The following INTS6L variants were observed in gnomAD, a reference collection of about 807,000 sequenced individuals.
INTS6L encodes integrator complex subunit 6-like.
Under a neutral mutation model 64.7 loss-of-function variants are expected in INTS6L, and 18 were observed. The ratio of observed to expected loss-of-function variants is 0.28; its 90% CI spans 0.19 to 0.41. The LOEUF (loss-of-function observed/expected upper bound fraction) is 0.41, where lower values mean the gene tolerates loss of function less well. Among genes scored for constraint, INTS6L ranks in the 10% least tolerant of loss-of-function variants. The probability of loss-of-function intolerance (pLI) is 1.00; values close to 1 mark genes in which losing one functional copy is unlikely to be tolerated. For missense variants in INTS6L, 533 were observed against 661.0 expected, an observed-to-expected ratio of 0.81 and a Z score of 2.12; for synonymous variants, 227 against 235.9, an observed-to-expected ratio of 0.96 and a Z score of 0.34.
At chrX:135,549,033 A>T (rs2086433036) in intron 6 of INTS6L, among the ~76,000 whole-genome samples, 1 of 111,959 alleles carries the variant, frequency 8.9e-6, no homozygotes, top group African/African-American at 3.2e-5. Flanking sequence ...GTCCACGATA[A>T]ACTTGATGTG....
intron 15 of INTS6L, among the ~76,000 whole-genome samples, chrX:135,578,257 T>C: frequency 9.0e-6 from 1 of 111,713 alleles, no homozygotes. Context: ...CAGACTTACT[T>C]GTGGACATGC....
intron 9 of INTS6L, among the ~76,000 whole-genome samples, chrX:135,569,124 A>T (rs1556526237): frequency 8.9e-6 from 1 of 112,190 alleles, no homozygotes; most frequent in Non-Finnish European, 1.9e-5. Context: ...TGCAGATGAA[A>T]GAGGAATATG....
chrX:135,574,204 CTGTT>C (rs1556529609), intron 13 of INTS6L, 142 bp downstream of exon 13: 2 of 681,549 alleles, frequency 2.9e-6, no homozygotes, highest in African/African-American at 2.4e-5. Context: ...ATCCCTATGT[CTGTT>C]TACCAGGCAC....
chrX:135,552,866 G>A (rs975550895), intron 8 of INTS6L, among the ~76,000 whole-genome samples: 2 of 112,404 alleles, frequency 1.8e-5, no homozygotes, highest in Non-Finnish European at 3.8e-5. Context: ...CTGTAGAGAT[G>A]TATGTTCTAC....
At chrX:135,522,002 CGTT>C in intron 2 of INTS6L, among the ~76,000 whole-genome samples, 1 of 111,271 alleles carries the variant, frequency 9.0e-6, no homozygotes, top group Non-Finnish European at 1.9e-5. Context: ...CCTTTGCACT[CGTT>C]GGCCTCTCAC....
rs782152418 is a variant in INTS6L, at chrX:135,543,457, A to G, written c.190-1966A>G. Among the ~76,000 whole-genome samples, 20 of 111,253 alleles carry G rather than the reference A, an allele frequency of 1.8e-4. No individual in the cohort carries two copies. The East Asian group carries it at 5.4e-3, about 30-fold the overall frequency. ...AGTCTCATGATCTTCACTCCATCCCATCAGTATTTCTCAAATGTCCCACTT... is the reference window on the plus strand; with the variant it reads ...AGTCTCATGATCTTCACTCCATCCCGTCAGTATTTCTCAAATGTCCCACTT... On this transcript the variant is annotated intron_variant, in intron 2 of 17. Coordinates refer to ENST00000639893, the MANE Select transcript of INTS6L (RefSeq NM_001351601.3).
intron 2 of INTS6L, 47 bp downstream of exon 2, chrX:135,521,365 C>T (rs782583066): frequency 1.8e-6 from 2 of 1,142,511 alleles, no homozygotes; most frequent in Non-Finnish European, 2.4e-6. Context: ...GGGAGCAAGT[C>T]GGCGGGGGCT....
intron 2 of INTS6L, among the ~76,000 whole-genome samples, chrX:135,521,575 G>A (rs868942283): frequency 9.0e-6 from 1 of 110,757 alleles, no homozygotes; most frequent in African/African-American, 3.3e-5. Context: ...CGCGACAACC[G>A]CAGCCGCCTC....
At chrX:135,577,555 C>A in intron 15 of INTS6L, 128 bp downstream of exon 15, 3 of 660,893 alleles carry the variant, frequency 4.5e-6, no homozygotes, top group Non-Finnish European at 6.8e-6. Flanking sequence ...ATTACTAAAT[C>A]ATCTATTTGG....
Position 135,582,477 on chromosome X carries a change from AAAAT to A in INTS6L, c.*846_*849del, listed in dbSNP as rs1307497912. On this transcript the variant is annotated 3_prime_UTR_variant, in exon 18 of 18. Coordinates refer to ENST00000639893, the MANE Select transcript of INTS6L (RefSeq NM_001351601.3). ...AAAGAGATTTTGATTTTGCATATAT[AAAAT>A]AAATCATTTTATTGATTTTCACAAG... 9 of 112,753 alleles carry A rather than the reference AAAAT, an allele frequency of 8.0e-5. No homozygotes were observed. Among genetic ancestry groups the A allele is most frequent in the Non-Finnish European group, 1.7e-4 (9 of 53,419 alleles). 9.3% of individuals were successfully genotyped at this position (112,753 alleles called of 1,213,427 possible).
In INTS6L at chrX:135,574,015, G is replaced by C; in HGVS notation, c.1694G>C (p.Arg565Thr). 1 of 1,204,303 alleles carries C rather than the reference G, an allele frequency of 8.3e-7. No homozygotes were observed. Among genetic ancestry groups the C allele is most frequent in the South Asian group, 1.8e-5 (1 of 55,299 alleles). ...CTTTTAGACCAGCTGACCAGAATGA[G>C]ATCCAATCTGCTGAAAACGCACAAG... is the stretch of plus-strand genomic sequence containing the variant. ...RGLLDQLTRM[R>T]SNLLKTHKFI... The change falls in exon 13 of 18, where the codon AGA becomes ACA. Residue 565 changes from arginine (R) to threonine (T), a missense_variant. By Grantham distance (71) the Arg-to-Thr change is moderately conservative. Transcript: ENST00000639893.
chrX:135,574,149 G>C (rs1209012636), intron 13 of INTS6L, 87 bp downstream of exon 13: 1 of 974,501 alleles, frequency 1.0e-6, no homozygotes, highest in Non-Finnish European at 1.4e-6. Context: ...TAATGAGTAG[G>C]CTATTTTATA....
intron 2 of INTS6L, among the ~76,000 whole-genome samples, chrX:135,525,251 T>G (rs2085701371): frequency 8.9e-6 from 1 of 112,283 alleles, no homozygotes; most frequent in Non-Finnish European, 1.9e-5. Flanking sequence ...TGAAAGAAAG[T>G]AAGCCATTAG....
Position 135,547,255 on chromosome X carries a change from T to G in INTS6L, c.732T>G (p.Pro244=). Residue 244 remains proline, a synonymous_variant, in exon 6 of 18, where the codon CCT becomes CCG. Transcript: ENST00000639893. ...NFEKTGPDPL[P]IGEDGLMDSS... Reference sequence around the variant, plus strand: ...AAAAAACAGGACCAGATCCACTTCCTATTGGAGAAGGTATAGTAGATAACT... The same window carrying G: ...AAAAAACAGGACCAGATCCACTTCCGATTGGAGAAGGTATAGTAGATAACT... The G allele has an allele frequency of 8.3e-7, 1 of 1,207,700 alleles. No individual in the cohort carries two copies. Among genetic ancestry groups the G allele is most frequent in the Non-Finnish European group, 1.1e-6 (1 of 894,079 alleles).
chrX:135,542,553 GGGAA>G (rs374727290), intron 2 of INTS6L, among the ~76,000 whole-genome samples: 2,489 of 107,677 alleles, frequency 0.023, 77 homozygotes, highest in African/African-American at 0.078. Flanking sequence ...AGGGAGGGAG[GGGAA>G]GGAAGGAAGG....
Position 135,528,068 on chromosome X carries a change from G to T in INTS6L, c.189+6750G>T, listed in dbSNP as rs1335562666. Among the ~76,000 whole-genome samples, 8 of 111,320 alleles carry T rather than the reference G, an allele frequency of 7.2e-5. No individual in the cohort carries two copies. In the Admixed American group the frequency reaches 7.6e-4, roughly 11 times the overall value. On this transcript the variant is annotated intron_variant, in intron 2 of 17. Coordinates refer to ENST00000639893, the MANE Select transcript of INTS6L (RefSeq NM_001351601.3). ...TCCTTATGGGAGTGAGAAGGGCAGT[G>T]AAGAAAGGAAACTACATGTTTCATT...
chrX:135,562,551 A>T (rs1184617206), intron 9 of INTS6L, among the ~76,000 whole-genome samples: 4 of 110,902 alleles, frequency 3.6e-5, no homozygotes, highest in Non-Finnish European at 7.6e-5. Flanking sequence ...ATCCTTGTTG[A>T]TTTTCTGTCT....
intron 9 of INTS6L, among the ~76,000 whole-genome samples, chrX:135,568,613 G>A (rs1397970385): frequency 1.8e-5 from 2 of 111,019 alleles, no homozygotes; most frequent in Admixed American, 9.6e-5. Context: ...GCAGTGGTAC[G>A]ATCACAGCTC....
intron 9 of INTS6L, among the ~76,000 whole-genome samples, chrX:135,562,309 C>T (rs1252055257): frequency 9.0e-6 from 1 of 111,546 alleles, no homozygotes. Flanking sequence ...TGAAATTTAC[C>T]TATTATCTTT....
Sources: allele counts gnomAD v4.1 joint callset (sites outside exome capture counted in the v4.1 genomes callset), GRCh38; gene constraint gnomAD v4.1.1; transcripts MANE v1.5; gene names NCBI Gene and HGNC (gene_info 2026-07-23, HGNC 2026-07-21).